CD99L2: variants seen among roughly 807,000 people sequenced by gnomAD.
The protein encoded by CD99L2 is CD99 molecule like 2.
A neutral mutation model predicts 27.3 loss-of-function variants in CD99L2; 24 were observed. The observed-to-expected ratio is 0.88, with a 90% CI of 0.64 to 1.24. The LOEUF (loss-of-function observed/expected upper bound fraction) is 1.24, where lower values mean the gene tolerates loss of function less well. CD99L2 is among the 50% of genes most tolerant of loss of function. The pLI, the probability that CD99L2 is intolerant of heterozygous loss-of-function variation, is 0.00. For missense variants in CD99L2, 255 were observed against 221.6 expected, an observed-to-expected ratio of 1.15 and a Z score of -0.96; for synonymous variants, 97 against 87.9, an observed-to-expected ratio of 1.10 and a Z score of -0.58.
intron 1 of CD99L2, among the ~76,000 whole-genome samples, chrX:150,890,131 C>G (rs782179255): frequency 2.1e-5 from 2 of 93,291 alleles, no homozygotes; most frequent in Admixed American, 1.2e-4. Context: ...CCAGACTGGG[C>G]GAGAGCGAGA....
At chrX:150,865,634 G>A (rs2047049176) in intron 1 of CD99L2, among the ~76,000 whole-genome samples, 2 of 111,927 alleles carry the variant, frequency 1.8e-5, no homozygotes, top group Admixed American at 1.9e-4. Flanking sequence ...AACAGGGCCT[G>A]GCCCATCACA....
intron 1 of CD99L2, among the ~76,000 whole-genome samples, chrX:150,896,184 G>A (rs2047606144): frequency 9.0e-6 from 1 of 111,441 alleles, no homozygotes; most frequent in Admixed American, 9.5e-5. Context: ...CGGATCACGA[G>A]GTCAGGAGTT....
In CD99L2 at chrX:150,797,553, T is replaced by C. The variant is rs186305563; in HGVS notation, c.278-2067A>G. ...ATCCCTACCAAAATCCCAATGACAT[T>C]TGTTGCAGAAATAGACAAATTCATC... is the stretch of plus-strand genomic sequence containing the variant. On this transcript the variant is annotated intron_variant, in intron 4 of 10. Coordinates refer to ENST00000370377, the MANE Select transcript of CD99L2 (RefSeq NM_031462.4). Among the ~76,000 whole-genome samples, 12 of 112,484 alleles carry C rather than the reference T, an allele frequency of 1.1e-4. No individual in the cohort carries two copies. In the East Asian group the frequency reaches 3.3e-3, roughly 31 times the overall value.
At chrX:150,812,742 T>C (rs1172819640) in intron 4 of CD99L2, among the ~76,000 whole-genome samples, 9 of 112,359 alleles carry the variant, frequency 8.0e-5, no homozygotes, top group Non-Finnish European at 1.5e-4. Flanking sequence ...AAAAATACTA[T>C]ACATGACAGT....
At chrX:150,807,309 C>T (rs2046009808) in intron 4 of CD99L2, among the ~76,000 whole-genome samples, 1 of 111,586 alleles carries the variant, frequency 9.0e-6, no homozygotes, top group African/African-American at 3.3e-5. Flanking sequence ...GGCAGGTTGA[C>T]CTGTTCATGA....
intron 1 of CD99L2, among the ~76,000 whole-genome samples, chrX:150,846,455 T>C (rs1345539444): frequency 9.0e-6 from 1 of 111,315 alleles, no homozygotes; most frequent in Admixed American, 9.6e-5. Context: ...TACCTCAGTT[T>C]CCTCATCTAT....
chrX:150,813,225 ATG>A lies in CD99L2; in HGVS notation c.277+1635_277+1636del, dbSNP rs1368249574. Among the ~76,000 whole-genome samples, 25 of 111,895 alleles carry A rather than the reference ATG, an allele frequency of 2.2e-4. No homozygotes were observed. In the Admixed American group the frequency reaches 2.4e-3, roughly 11 times the overall value. On this transcript the variant is annotated intron_variant, in intron 4 of 10. Transcript: ENST00000370377. ...AAAATTGCAGAGAAGACACACACAC[ATG>A]TGAGTGTAAACAAAACTAGGAAATT...
chrX:150,801,137 T>C (rs1557420073), intron 4 of CD99L2, among the ~76,000 whole-genome samples: 1 of 111,490 alleles, frequency 9.0e-6, no homozygotes, highest in African/African-American at 3.3e-5. Flanking sequence ...TTATCACCAA[T>C]TGTATACAAT....
chrX:150,894,858 A>T (rs1289540925), intron 1 of CD99L2, among the ~76,000 whole-genome samples: 2 of 110,898 alleles, frequency 1.8e-5, no homozygotes, highest in African/African-American at 6.6e-5. Flanking sequence ...CAAAGTGCTG[A>T]GATTACAGGC....
rs1368519778 is a variant in CD99L2 at position 150,769,224 on chromosome X, T to C, written c.722-123A>G. 9 of 797,945 alleles carry C rather than the reference T, an allele frequency of 1.1e-5. No homozygotes were observed. In the South Asian group the frequency reaches 2.5e-4, roughly 22 times the overall value. The allele number at this position is 797,945 out of a possible 1,213,427, so 65.8% of individuals were successfully genotyped here. A position where few individuals can be genotyped will look rare whatever the true frequency, so the allele number is the denominator to read the frequency against. ...CCCTTTGTATCCCCTGGGGGGCCGC[T>C]TAGCAACCTTCCCTCCTGAGCCTGG... is the stretch of plus-strand genomic sequence containing the variant. On this transcript the variant is annotated intron_variant, in intron 10 of 10. Transcript: ENST00000370377.
chrX:150,795,136 G>T (rs2045772966), intron 6 of CD99L2, 70 bp downstream of exon 6: 2 of 1,135,409 alleles, frequency 1.8e-6, no homozygotes, highest in Non-Finnish European at 2.4e-6. Context: ...AGCTCTGCCA[G>T]GCCCAAGCTG....
intron 1 of CD99L2, among the ~76,000 whole-genome samples, chrX:150,849,372 T>C (rs1158355416): frequency 1.8e-5 from 2 of 110,313 alleles, no homozygotes; most frequent in Admixed American, 9.6e-5. Context: ...AGCAACATAG[T>C]GAGACCCTGT....
intron 7 of CD99L2, among the ~76,000 whole-genome samples, chrX:150,778,763 G>A (rs1241245941): frequency 2.9e-5 from 3 of 105,075 alleles, no homozygotes; most frequent in African/African-American, 1.0e-4. Flanking sequence ...ACCTAAGGCT[G>A]AATCCTTGAG....
chrX:150,792,709 C>G (rs147384536), intron 7 of CD99L2, among the ~76,000 whole-genome samples: 290 of 112,064 alleles, frequency 2.6e-3, no homozygotes, highest in African/African-American at 9.0e-3. Flanking sequence ...CAACAGGTTA[C>G]AACCAGGGTT....
At chrX:150,884,214 G>A (rs1275976587) in intron 1 of CD99L2, among the ~76,000 whole-genome samples, 1 of 111,754 alleles carries the variant, frequency 8.9e-6, no homozygotes, top group Non-Finnish European at 1.9e-5. Flanking sequence ...GACTGCTATT[G>A]ATATTTATCA....
At chrX:150,884,988 T>C (rs1388829822) in intron 1 of CD99L2, among the ~76,000 whole-genome samples, 1 of 111,903 alleles carries the variant, frequency 8.9e-6, no homozygotes, top group Non-Finnish European at 1.9e-5. Flanking sequence ...TCGACAATAA[T>C]GTTGGGGGAA....
chrX:150,887,002 G>C (rs2047420940), intron 1 of CD99L2, among the ~76,000 whole-genome samples: 1 of 110,338 alleles, frequency 9.1e-6, no homozygotes, highest in African/African-American at 3.3e-5. Flanking sequence ...AAAATTAGTT[G>C]GGTATGGTAT....
At chrX:150,883,809 C>A (rs1323016406) in intron 1 of CD99L2, among the ~76,000 whole-genome samples, 2 of 111,916 alleles carry the variant, frequency 1.8e-5, no homozygotes, top group Admixed American at 1.9e-4. Flanking sequence ...CAAAGACAAC[C>A]AGGCAATTCA....
chrX:150,830,376 T>C (rs1308633973), intron 2 of CD99L2, among the ~76,000 whole-genome samples: 3 of 109,981 alleles, frequency 2.7e-5, no homozygotes, highest in African/African-American at 9.9e-5. Context: ...AACAGTGAGA[T>C]TCTGTCTCCA....
Sources: gnomAD v4.1 joint callset for allele counts (sites outside exome capture counted in the v4.1 genomes callset) on GRCh38, gnomAD v4.1.1 for gene constraint, MANE v1.5 for transcripts, NCBI Gene and HGNC (gene_info 2026-07-23, HGNC 2026-07-21) for gene names.